The following PTPRD variants were observed in gnomAD, a reference collection of about 807,000 sequenced individuals.
PTPRD encodes the protein protein tyrosine phosphatase receptor type D, also known as receptor-type tyrosine-protein phosphatase delta.
Under a neutral mutation model 214.5 loss-of-function variants are expected in PTPRD, and 34 were observed. The ratio of observed to expected loss-of-function variants is 0.16; its 90% CI spans 0.12 to 0.21. The LOEUF (loss-of-function observed/expected upper bound fraction) is 0.21, where lower values mean the gene tolerates loss of function less well. Ranked by LOEUF, PTPRD falls within the 10% of genes least tolerant of loss-of-function variation. PTPRD has a pLI of 1.00. For synonymous variants in PTPRD, 1,128 were observed against 845.7 expected (o/e 1.33, Z -5.79); for missense variants, 2,545 against 2,398.7 (o/e 1.06, Z -1.27).
intron 8 of PTPRD, among the ~76,000 whole-genome samples, chr9:9,523,428 T>C (rs1310122304): frequency 6.6e-6 from 1 of 152,174 alleles, no homozygotes; most frequent in Non-Finnish European, 1.5e-5. Context: ...GAATGAAATT[T>C]GCTGAGGGCA....
chr9:9,755,919 A>C (rs1333985908), intron 6 of PTPRD, among the ~76,000 whole-genome samples: 1 of 151,910 alleles, frequency 6.6e-6, no homozygotes, highest in Admixed American at 6.6e-5. Context: ...TTGCTTTTCC[A>C]TGTCAATGAT....
At chr9:8,379,231 A>G (rs1377891239) in intron 37 of PTPRD, among the ~76,000 whole-genome samples, 6 of 152,190 alleles carry the variant, frequency 3.9e-5, no homozygotes, top group Admixed American at 3.3e-4. Context: ...TAAATATCCT[A>G]ACGTATGTGG....
intron 3 of PTPRD, among the ~76,000 whole-genome samples, chr9:10,065,351 A>G (rs1237232177): frequency 6.6e-6 from 1 of 151,908 alleles, no homozygotes; most frequent in Non-Finnish European, 1.5e-5. Flanking sequence ...GCCCCATAAA[A>G]GTCAAAATTT....
At chr9:9,235,768 T>C (rs901864911) in intron 9 of PTPRD, among the ~76,000 whole-genome samples, 1 of 152,144 alleles carries the variant, frequency 6.6e-6, no homozygotes, top group Admixed American at 6.5e-5. Flanking sequence ...AAGTAAAAAT[T>C]TGTTTGTTCC....
intron 9 of PTPRD, among the ~76,000 whole-genome samples, chr9:9,195,599 A>C (rs1342621511): frequency 6.6e-6 from 1 of 152,062 alleles, no homozygotes; most frequent in African/African-American, 2.4e-5. Context: ...TCCTCAATTC[A>C]TCACACAACT....
intron 8 of PTPRD, among the ~76,000 whole-genome samples, chr9:9,517,238 C>G (rs2096860357): frequency 6.6e-6 from 1 of 152,092 alleles, no homozygotes; most frequent in Non-Finnish European, 1.5e-5. Context: ...CTACCCAACT[C>G]ACTGCATAGT....
At chr9:9,669,345 T>A (rs576965323) in intron 7 of PTPRD, among the ~76,000 whole-genome samples, 1 of 152,306 alleles carries the variant, frequency 6.6e-6, no homozygotes, top group Admixed American at 6.5e-5. Flanking sequence ...CTGATTGGTA[T>A]GGAATTAGTT....
At chr9:9,856,281 A>G (rs184384678) in intron 5 of PTPRD, among the ~76,000 whole-genome samples, 62 of 152,240 alleles carry the variant, frequency 4.1e-4, no homozygotes, top group African/African-American at 1.5e-3. Flanking sequence ...AGGATGGTGC[A>G]GGGCTGGGCC....
At chr9:9,989,531 C>G (rs1296202591) in intron 4 of PTPRD, among the ~76,000 whole-genome samples, 3 of 152,070 alleles carry the variant, frequency 2.0e-5, no homozygotes, top group African/African-American at 7.2e-5. Context: ...TCTTCCCATT[C>G]CATCCCCCTT....
intron 7 of PTPRD, among the ~76,000 whole-genome samples, chr9:9,683,105 T>C (rs2097105199): frequency 6.6e-6 from 1 of 151,864 alleles, no homozygotes. Flanking sequence ...GCTAAGGTTC[T>C]AGATTCTCTT....
chr9:9,464,614 T>G (rs1360306392), intron 8 of PTPRD, among the ~76,000 whole-genome samples: 1 of 152,150 alleles, frequency 6.6e-6, no homozygotes, highest in Non-Finnish European at 1.5e-5. Context: ...CCTGCTTGGT[T>G]TAGTTCTTAA....
intron 14 of PTPRD, among the ~76,000 whole-genome samples, chr9:8,582,984 G>A (rs2093316754): frequency 6.6e-6 from 1 of 152,132 alleles, no homozygotes; most frequent in African/African-American, 2.4e-5. Context: ...CCACTCAGAA[G>A]CTCATTAACT....
intron 8 of PTPRD, among the ~76,000 whole-genome samples, chr9:9,486,305 T>G (rs1321554747): frequency 1.3e-5 from 2 of 152,062 alleles, no homozygotes; most frequent in African/African-American, 4.8e-5. Flanking sequence ...GATGGATTGT[T>G]AGGCTGCTGT....
intron 3 of PTPRD, among the ~76,000 whole-genome samples, chr9:10,192,569 G>T (rs2099371271): frequency 6.6e-6 from 1 of 151,082 alleles, no homozygotes; most frequent in South Asian, 2.1e-4. Flanking sequence ...ATGGTACTTA[G>T]ATCAAAATGT....
Position 8,958,535 on chromosome 9 carries a change from T to C in PTPRD, c.-104+60162A>G, listed in dbSNP as rs144494368. On this transcript the variant is annotated intron_variant, in intron 11 of 45. Coordinates refer to ENST00000381196, the MANE Select transcript of PTPRD (RefSeq NM_002839.4). ...AGAAGAAGACCCAGGAAACCAGTCA[T>C]GATAAACCCATTATCTACATCAATG... Among the ~76,000 whole-genome samples the C allele has an allele frequency of 3.3e-4, 50 of 152,040 alleles. No individual in the cohort carries two copies. The East Asian group carries it at 6.4e-3, about 19-fold the overall frequency.
intron 9 of PTPRD, among the ~76,000 whole-genome samples, chr9:9,186,381 G>C (rs2099931477): frequency 6.6e-6 from 1 of 152,070 alleles, no homozygotes; most frequent in Admixed American, 6.6e-5. Context: ...AATCTGACCA[G>C]ATACAGTTTC....
chr9:9,398,365 T>A (rs1229982230), intron 8 of PTPRD, among the ~76,000 whole-genome samples: 1 of 152,036 alleles, frequency 6.6e-6, no homozygotes, highest in East Asian at 1.9e-4. Context: ...CCCTGTTCAT[T>A]GTTCCCTACC....
chr9:9,148,317 A>C (rs941151362), intron 10 of PTPRD, among the ~76,000 whole-genome samples: 1 of 152,210 alleles, frequency 6.6e-6, no homozygotes, highest in African/African-American at 2.4e-5. Flanking sequence ...AGTGGTACTT[A>C]AGAAGGCTTA....
At chr9:10,494,941 G>A (rs1431103581) in intron 2 of PTPRD, among the ~76,000 whole-genome samples, 1 of 151,616 alleles carries the variant, frequency 6.6e-6, no homozygotes, top group Non-Finnish European at 1.5e-5. Flanking sequence ...GTAATCAAAT[G>A]TATTGTTGCC....
Sources: gnomAD v4.1 joint callset for allele counts (sites outside exome capture counted in the v4.1 genomes callset) on GRCh38, gnomAD v4.1.1 for gene constraint, MANE v1.5 for transcripts, NCBI Gene and HGNC (gene_info 2026-07-23, HGNC 2026-07-21) for gene names.